Variants in SH3RF1 observed in about 807,000 individuals in gnomAD.
SH3RF1 encodes SH3 domain containing ring finger 1, also known as E3 ubiquitin-protein ligase SH3RF1.
Under a neutral mutation model 74.0 loss-of-function variants are expected in SH3RF1, and 32 were observed. The ratio of observed to expected loss-of-function variants is 0.43; its 90% CI spans 0.33 to 0.58. The LOEUF (loss-of-function observed/expected upper bound fraction) is 0.58. Ranked by LOEUF, SH3RF1 falls within the 20% of genes least tolerant of loss-of-function variation. The probability of loss-of-function intolerance (pLI) is 0.05; values close to 1 mark genes in which losing one functional copy is unlikely to be tolerated. For missense variants in SH3RF1, 954 were observed against 1,130.9 expected, an observed-to-expected ratio of 0.84 and a Z score of 2.24; for synonymous variants, 396 against 439.6, an observed-to-expected ratio of 0.90 and a Z score of 1.24.
At chr4:169,121,463 T>C (rs752541700) in intron 7 of SH3RF1, among the ~76,000 whole-genome samples, 1 of 152,164 alleles carries the variant, frequency 6.6e-6, no homozygotes, top group Non-Finnish European at 1.5e-5. Context: ...ACACCTGCTT[T>C]TTATGCTCAG....
chr4:169,118,946 G>GT (rs572599282), intron 8 of SH3RF1, among the ~76,000 whole-genome samples: 4 of 151,980 alleles, frequency 2.6e-5, no homozygotes, highest in Non-Finnish European at 4.4e-5. Flanking sequence ...TGTGTAATGT[G>GT]TTTTTTTCCA....
intron 2 of SH3RF1, among the ~76,000 whole-genome samples, chr4:169,221,782 C>T (rs1186988451): frequency 1.3e-5 from 2 of 152,182 alleles, no homozygotes; most frequent in African/African-American, 2.4e-5. Flanking sequence ...AAATTCATCA[C>T]TTACGTAATA....
At chr4:169,233,681 A>G (rs1246788784) in intron 2 of SH3RF1, among the ~76,000 whole-genome samples, 2 of 152,226 alleles carry the variant, frequency 1.3e-5, no homozygotes. Flanking sequence ...GCAATAATTC[A>G]TTGACTGATT....
At chr4:169,184,176 A>G (rs910113535) in intron 2 of SH3RF1, among the ~76,000 whole-genome samples, 6 of 152,222 alleles carry the variant, frequency 3.9e-5, no homozygotes, top group African/African-American at 1.2e-4. Context: ...GACATCCCCT[A>G]CTTCTGAAAT....
chr4:169,137,056 C>T (rs1417626114), intron 4 of SH3RF1, among the ~76,000 whole-genome samples: 1 of 152,146 alleles, frequency 6.6e-6, no homozygotes, highest in Non-Finnish European at 1.5e-5. Context: ...AATGAAGGGG[C>T]AACTTCTGGG....
At position 169,266,844 on chromosome 4, in the gene SH3RF1, T is replaced by C. The variant is rs542975762; in HGVS notation, c.393+1976A>G. 3.3e-5 allele frequency among the ~76,000 whole-genome samples: 5 copies of C among 152,346 alleles called. No homozygotes were observed. The South Asian group carries it at 8.3e-4, about 25-fold the overall frequency. ...GTTCTTTTTCTAAGTATTGCATCAA[T>C]TGCATCAACTCAGACTACTGAATAG... On this transcript the variant is annotated intron_variant, in intron 2 of 11. Transcript: ENST00000284637.
intron 2 of SH3RF1, among the ~76,000 whole-genome samples, chr4:169,219,824 A>G (rs1024103582): frequency 6.6e-6 from 1 of 152,198 alleles, no homozygotes; most frequent in Non-Finnish European, 1.5e-5. Flanking sequence ...TAGAAAATCA[A>G]TTATTTACAT....
chr4:169,167,204 G>A (rs1734260739), intron 2 of SH3RF1: 1 of 153,132 alleles, frequency 6.5e-6, no homozygotes, highest in Non-Finnish European at 1.5e-5. Context: ...AAAAGAAGAT[G>A]TTTGTATAGC....
At chr4:169,241,791 G>A (rs1730915158) in intron 2 of SH3RF1, among the ~76,000 whole-genome samples, 1 of 152,160 alleles carries the variant, frequency 6.6e-6, no homozygotes, top group Non-Finnish European at 1.5e-5. Flanking sequence ...TGGGAAATGG[G>A]GACTGGTTTC....
At chr4:169,225,064 G>A (rs1459064800) in intron 2 of SH3RF1, among the ~76,000 whole-genome samples, 1 of 152,148 alleles carries the variant, frequency 6.6e-6, no homozygotes, top group Non-Finnish European at 1.5e-5. Context: ...CACATGCCTG[G>A]GAGTAAAGAG....
At chr4:169,194,062 A>G (rs900789985) in intron 2 of SH3RF1, among the ~76,000 whole-genome samples, 3 of 152,172 alleles carry the variant, frequency 2.0e-5, no homozygotes, top group Admixed American at 6.5e-5. Context: ...TATGCTGGAA[A>G]ACTACCAAGA....
intron 4 of SH3RF1, among the ~76,000 whole-genome samples, chr4:169,148,665 G>A (rs1457636434): frequency 6.6e-6 from 1 of 152,144 alleles, no homozygotes; most frequent in African/African-American, 2.4e-5. Context: ...CATGTTCCAG[G>A]CAAGTAAGAA....
chr4:169,165,610 C>T (rs1041922376), intron 2 of SH3RF1, among the ~76,000 whole-genome samples: 2 of 146,854 alleles, frequency 1.4e-5, no homozygotes. Context: ...GGTGACAGAG[C>T]AAGACTCTGT....
chr4:169,247,461 C>G (rs752675983), intron 2 of SH3RF1, among the ~76,000 whole-genome samples: 1 of 151,998 alleles, frequency 6.6e-6, no homozygotes, highest in Non-Finnish European at 1.5e-5. Flanking sequence ...ACACGAGGCA[C>G]GTATGAAGGT....
chr4:169,107,238 G>A, intron 10 of SH3RF1, 33 bp from the exon 11 acceptor site: 3 of 1,504,024 alleles, frequency 2.0e-6, no homozygotes, highest in Non-Finnish European at 2.7e-6. Flanking sequence ...CTTAGTTGGA[G>A]AATGACAGTA....
chr4:169,111,852 C>A (rs1733250685), intron 10 of SH3RF1, among the ~76,000 whole-genome samples: 1 of 152,234 alleles, frequency 6.6e-6, no homozygotes, highest in Middle Eastern at 3.4e-3. Context: ...TTTATCAAAC[C>A]ACGGAGTGCA....
chr4:169,136,375 G>C lies in SH3RF1; in HGVS notation c.1011C>G (p.Pro337=), dbSNP rs747790343. 4.4e-6 allele frequency: 7 copies of C among 1,580,398 alleles called. No individual in the cohort carries two copies. The highest frequency in any genetic ancestry group is 1.7e-4 in the Middle Eastern group (1 of 5,822). Residue 337 remains proline, a synonymous_variant, in exon 5 of 12, where the codon CCC becomes CCG. Transcript: ENST00000284637. ...SPPVLISSSN[P]TAAARISELS... ...GCTCGCTGATCCGTGCAGCAGCAGT[G>C]GGGTTGCTGGAGCTGATGAGGACAG...
intron 11 of SH3RF1, among the ~76,000 whole-genome samples, chr4:169,104,297 T>C (rs1242533418): frequency 6.6e-6 from 1 of 151,880 alleles, no homozygotes; most frequent in East Asian, 1.9e-4. Context: ...GATCAATGCC[T>C]GGAGGGAGGG....
intron 11 of SH3RF1, among the ~76,000 whole-genome samples, chr4:169,096,914 T>A (rs568574461): frequency 6.6e-6 from 1 of 152,336 alleles, no homozygotes; most frequent in South Asian, 2.1e-4. Flanking sequence ...CCCAGACTGG[T>A]TCATCTGAGT....
Sources: allele counts gnomAD v4.1 joint callset (sites outside exome capture counted in the v4.1 genomes callset), GRCh38; gene constraint gnomAD v4.1.1; transcripts MANE v1.5; gene names NCBI Gene and HGNC (gene_info 2026-07-23, HGNC 2026-07-21).